Variants in PDE4D observed in about 807,000 individuals in gnomAD.
The protein encoded by PDE4D is 3',5'-cyclic-AMP phosphodiesterase 4D.
PDE4D carries 24 observed loss-of-function variants against 87.4 expected under a neutral mutation model. The ratio of observed to expected loss-of-function variants is 0.27; its 90% CI spans 0.20 to 0.39. The LOEUF is 0.39. Ranked by LOEUF, PDE4D falls within the 10% of genes least tolerant of loss-of-function variation. The probability of loss-of-function intolerance (pLI) is 1.00; values close to 1 mark genes in which losing one functional copy is unlikely to be tolerated. For synonymous variants in PDE4D, 384 were observed against 383.2 expected (o/e 1.00, Z -0.02); for missense variants, 714 against 1,041.0 (o/e 0.69, Z 4.32).
intron 1 of PDE4D, among the ~76,000 whole-genome samples, chr5:60,475,118 T>G (rs146386511): frequency 1.5e-3 from 232 of 152,200 alleles, no homozygotes; most frequent in African/African-American, 5.2e-3. Context: ...GAAATTCAAT[T>G]GTTTGCTTTC....
intron 1 of PDE4D, among the ~76,000 whole-genome samples, chr5:59,405,544 T>G (rs1461915289): frequency 6.6e-6 from 1 of 152,196 alleles, no homozygotes; most frequent in East Asian, 1.9e-4. Flanking sequence ...ACTTCTTCCT[T>G]TCCAATTTGA....
In PDE4D at chr5:60,066,512, T is replaced by C. The variant is rs4508982; in HGVS notation, c.43-77795A>G. On this transcript the variant is annotated intron_variant, in intron 2 of 16. Transcript: ENST00000502484. ...GAAATGAAATAATCAATTTGGGGTCTAGAATTACTTAATTCAACTAATCTT... is the reference window on the plus strand; with the variant it reads ...GAAATGAAATAATCAATTTGGGGTCCAGAATTACTTAATTCAACTAATCTT... Among the ~76,000 whole-genome samples, 690 of 152,162 alleles carry C rather than the reference T, an allele frequency of 4.5e-3. 6 individuals are homozygous for C. Among genetic ancestry groups the C allele is most frequent in the African/African-American group, 0.016 (668 of 41,536 alleles).
At chr5:59,468,605 C>T (rs922943269) in intron 1 of PDE4D, among the ~76,000 whole-genome samples, 8 of 152,162 alleles carry the variant, frequency 5.3e-5, no homozygotes, top group Admixed American at 2.0e-4. Context: ...GCACCCTTGT[C>T]TGAAACTTAA....
At chr5:59,278,944 A>G (rs971225744) in intron 1 of PDE4D, among the ~76,000 whole-genome samples, 3 of 152,016 alleles carry the variant, frequency 2.0e-5, no homozygotes, top group African/African-American at 7.2e-5. Flanking sequence ...GACTTGTGAG[A>G]CTTATGACAT....
intron 1 of PDE4D, among the ~76,000 whole-genome samples, chr5:59,385,225 T>C (rs375702132): frequency 6.6e-6 from 1 of 152,366 alleles, no homozygotes; most frequent in African/African-American, 2.4e-5. Context: ...GTGTTGATTA[T>C]TGGATCTCAT....
chr5:59,059,153 C>T (rs1003258708), intron 5 of PDE4D, among the ~76,000 whole-genome samples: 2 of 152,144 alleles, frequency 1.3e-5, no homozygotes, highest in Non-Finnish European at 2.9e-5. Context: ...AATGATGGAA[C>T]AAATTAAATT....
chr5:59,480,225 A>C (rs181304679), intron 1 of PDE4D, among the ~76,000 whole-genome samples: 246 of 152,106 alleles, frequency 1.6e-3, no homozygotes, highest in Non-Finnish European at 2.6e-3. Context: ...CTGTTCAGTA[A>C]TAGTTTTCAG....
intron 5 of PDE4D, among the ~76,000 whole-genome samples, chr5:59,098,211 A>C (rs913329197): frequency 6.6e-6 from 1 of 152,174 alleles, no homozygotes; most frequent in African/African-American, 2.4e-5. Flanking sequence ...AAATTTGGTA[A>C]ATTGTGTTGA....
intron 1 of PDE4D, among the ~76,000 whole-genome samples, chr5:60,517,661 T>C (rs1390152523): frequency 7.9e-6 from 1 of 127,318 alleles, no homozygotes; most frequent in Admixed American, 7.2e-5. Flanking sequence ...TCCTCTCTCT[T>C]GAGAGCTGCA....
chr5:59,537,367 G>A (rs1815476063), intron 1 of PDE4D, among the ~76,000 whole-genome samples: 1 of 152,166 alleles, frequency 6.6e-6, no homozygotes, highest in African/African-American at 2.4e-5. Context: ...CTCCTTAGCC[G>A]ACCAAAGTAA....
At chr5:59,846,840 G>T (rs1743932620) in intron 1 of PDE4D, among the ~76,000 whole-genome samples, 2 of 151,980 alleles carry the variant, frequency 1.3e-5, no homozygotes, top group African/African-American at 4.8e-5. Context: ...TGTGAGCAGG[G>T]TGTTGCCAGA....
At chr5:59,815,786 C>G (rs1379114273) in intron 1 of PDE4D, among the ~76,000 whole-genome samples, 1 of 152,190 alleles carries the variant, frequency 6.6e-6, no homozygotes, top group Non-Finnish European at 1.5e-5. Flanking sequence ...TACATAGATT[C>G]ATATTTGGTT....
chr5:59,922,972 C>T (rs569111989), intron 3 of PDE4D, among the ~76,000 whole-genome samples: 2 of 152,176 alleles, frequency 1.3e-5, no homozygotes, highest in African/African-American at 4.8e-5. Flanking sequence ...AAAAGGGTAG[C>T]CCACTGCTCT....
chr5:60,370,461 T>C (rs1431891865), intron 1 of PDE4D, among the ~76,000 whole-genome samples: 1 of 152,018 alleles, frequency 6.6e-6, no homozygotes, highest in African/African-American at 2.4e-5. Flanking sequence ...TTCATGAAAT[T>C]TGTGGGAAGA....
intron 3 of PDE4D, among the ~76,000 whole-genome samples, chr5:59,915,330 A>G (rs549335979): frequency 6.6e-6 from 1 of 152,350 alleles, no homozygotes; most frequent in South Asian, 2.1e-4. Context: ...AGGTGAGTCC[A>G]TAGGAAGAAG....
At chr5:60,305,580 A>G (rs540295009) in intron 1 of PDE4D, among the ~76,000 whole-genome samples, 2 of 152,112 alleles carry the variant, frequency 1.3e-5, no homozygotes, top group East Asian at 3.9e-4. Context: ...AAAATGGGTG[A>G]CATGGCTCCA....
chr5:59,665,730 G>C (rs2150306151), intron 1 of PDE4D, among the ~76,000 whole-genome samples: 1 of 152,270 alleles, frequency 6.6e-6, no homozygotes, highest in Middle Eastern at 3.4e-3. Context: ...AGGTAATTAG[G>C]TCATTAGGCC....
chr5:59,020,830 C>T (rs192370144), intron 6 of PDE4D, among the ~76,000 whole-genome samples: 3 of 152,280 alleles, frequency 2.0e-5, no homozygotes, highest in East Asian at 3.9e-4. Flanking sequence ...GGAATTCCTT[C>T]TCTTACCGGC....
chr5:59,119,045 C>T (rs1468293978), intron 5 of PDE4D, among the ~76,000 whole-genome samples: 3 of 151,806 alleles, frequency 2.0e-5, no homozygotes, highest in Non-Finnish European at 2.9e-5. Flanking sequence ...TATAAACTGG[C>T]GTGGAGAAGA....
Sources: gnomAD v4.1 joint callset for allele counts (sites outside exome capture counted in the v4.1 genomes callset) on GRCh38, gnomAD v4.1.1 for gene constraint, MANE v1.5 for transcripts, NCBI Gene and HGNC (gene_info 2026-07-23, HGNC 2026-07-21) for gene names.